RSRC2: variants seen among roughly 807,000 people sequenced by gnomAD.
RSRC2 encodes the protein arginine/serine-rich coiled-coil protein 2.
RSRC2 carries 5 observed loss-of-function variants against 61.3 expected under a neutral mutation model. That is an observed-to-expected ratio of 0.08 (90% CI 0.04 to 0.17). The LOEUF (loss-of-function observed/expected upper bound fraction) is 0.17, where lower values mean the gene tolerates loss of function less well. Ranked by LOEUF, RSRC2 falls within the 10% of genes least tolerant of loss-of-function variation. The pLI is 1.00. For synonymous variants in RSRC2, 202 were observed against 166.5 expected (o/e 1.21, Z -1.64); for missense variants, 381 against 518.8 (o/e 0.73, Z 2.58).
intron 3 of RSRC2, chr12:122,519,327 G>A (rs1251157944): frequency 3.2e-6 from 1 of 310,838 alleles, no homozygotes; most frequent in Non-Finnish European, 6.1e-6. Flanking sequence ...AATCCCTTAT[G>A]TTTATCTAAA....
intron 3 of RSRC2, chr12:122,519,679 G>A (rs952451559): frequency 6.6e-6 from 1 of 152,260 alleles, no homozygotes; most frequent in East Asian, 1.9e-4. Flanking sequence ...GGTAGAAATG[G>A]CAACTGTATG....
intron 1 of RSRC2, 40 bp downstream of exon 1, chr12:122,526,808 G>A (rs1203739153): frequency 6.2e-7 from 1 of 1,612,954 alleles, no homozygotes; most frequent in Non-Finnish European, 8.5e-7. Context: ...GAACGTAGCA[G>A]AAAAATATCC....
At chr12:122,526,630 GGAAAAAAAAA>G (rs1593448614) in intron 1 of RSRC2, among the ~76,000 whole-genome samples, 1 of 151,950 alleles carries the variant, frequency 6.6e-6, no homozygotes, top group Non-Finnish European at 1.5e-5. Flanking sequence ...GGAAAGTTCT[GGAAAAAAAAA>G]GGCACTCCCT....
intron 3 of RSRC2, 119 bp from the exon 4 acceptor site, chr12:122,519,148 A>G: frequency 5.4e-6 from 4 of 747,136 alleles, no homozygotes; most frequent in Non-Finnish European, 8.7e-6. Context: ...TGTGTGGCAA[A>G]TAAAAAAAAG....
intron 6 of RSRC2, chr12:122,514,759 G>A (rs1005436458): frequency 1.3e-5 from 15 of 1,117,480 alleles, no homozygotes; most frequent in Non-Finnish European, 1.7e-5. Flanking sequence ...AAAAGTAAAG[G>A]AAAAGTCATC....
chr12:122,521,311 T>C (rs1270974850), intron 3 of RSRC2, 74 bp downstream of exon 3: 2 of 1,159,922 alleles, frequency 1.7e-6, no homozygotes, highest in South Asian at 1.3e-5. Context: ...CAACGTCTTA[T>C]ATTCATACAA....
chr12:122,516,781 C>T (rs184412400), intron 5 of RSRC2, among the ~76,000 whole-genome samples: 2 of 152,274 alleles, frequency 1.3e-5, no homozygotes, highest in Admixed American at 1.3e-4. Flanking sequence ...CAACCTCTGC[C>T]TTCTGGGCTC....
At chr12:122,514,609 A>C (rs1958773608) in intron 6 of RSRC2, 1 of 1,032,622 alleles carries the variant, frequency 9.7e-7, no homozygotes, top group Non-Finnish European at 1.2e-6. Context: ...GTTCTCCCAT[A>C]GTTACCAGGA....
chr12:122,514,203 G>T (rs999795922), intron 6 of RSRC2, among the ~76,000 whole-genome samples: 1 of 151,012 alleles, frequency 6.6e-6, no homozygotes, highest in Admixed American at 6.6e-5. Flanking sequence ...GTCGTGCTGT[G>T]TGTGGTTTCA....
chr12:122,521,470 G>C, intron 2 of RSRC2, 42 bp from the exon 3 acceptor site: 1 of 1,546,074 alleles, frequency 6.5e-7, no homozygotes, highest in Admixed American at 1.7e-5. Flanking sequence ...AACAAAGTTG[G>C]AGAAACATTT....
At position 122,515,094 on chromosome 12, in the gene RSRC2, A is replaced by AATAT. The variant is rs2137486536; in HGVS notation, c.725+7_725+10dup. The AATAT allele has an allele frequency of 6.2e-7, 1 of 1,609,412 alleles. No individual in the cohort carries two copies. The highest frequency in any genetic ancestry group is 8.5e-7 in the Non-Finnish European group (1 of 1,178,698). ...GCGAACTGGAACAAATGAATTAAGA[A>AATAT]ATATACACACCTTCTAGCTAAAGCT... On this transcript the variant is annotated intron_variant, in intron 6 of 9. Coordinates refer to ENST00000331738, the MANE Select transcript of RSRC2 (RefSeq NM_023012.6).
At position 122,522,284 on chromosome 12, in the gene RSRC2, G is replaced by A; in HGVS notation, c.22C>T (p.Arg8Ter). 6.2e-7 allele frequency: 1 copy of A among 1,604,346 alleles called. No individual in the cohort carries two copies. The highest frequency in any genetic ancestry group is 8.5e-7 in the Non-Finnish European group (1 of 1,176,822). The change falls in exon 2 of 10, where the codon CGA becomes TGA. Residue 8 changes from arginine to a stop codon, truncating the protein, a stop_gained. Transcript: ENST00000331738. LOFTEE classifies it high-confidence loss of function. ...GTCTTTTCTGGGGCTAGTCCATCTC[G>A]CTCTGTATCACTAGCCTAAAAGTTT... MAASDTE[R>*]DGLAPEKTSP...
chr12:122,507,637 A>C (rs1467291691), intron 8 of RSRC2, among the ~76,000 whole-genome samples: 5 of 152,044 alleles, frequency 3.3e-5, no homozygotes, highest in African/African-American at 1.2e-4. Flanking sequence ...TTTAGTATTA[A>C]TAACTGGCAA....
intron 6 of RSRC2, among the ~76,000 whole-genome samples, chr12:122,514,090 T>C (rs905132466): frequency 1.3e-5 from 2 of 152,164 alleles, no homozygotes; most frequent in African/African-American, 4.8e-5. Flanking sequence ...AAGTCTATTT[T>C]TCAAAATATG....
At chr12:122,509,828 TTTTTTG>T (rs1221413859) in intron 7 of RSRC2, among the ~76,000 whole-genome samples, 2 of 152,050 alleles carry the variant, frequency 1.3e-5, no homozygotes, top group Non-Finnish European at 2.9e-5. Flanking sequence ...TAATTTTTTG[TTTTTTG>T]TTTTTGTTTT....
Position 122,525,801 on chromosome 12 carries a change from GTTTTTTTTTTTTTTTTTTTT to G in RSRC2, c.6+1027_6+1046del, listed in dbSNP as rs1169838098. On this transcript the variant is annotated intron_variant, in intron 1 of 9. Coordinates refer to ENST00000331738, the MANE Select transcript of RSRC2 (RefSeq NM_023012.6). ...GTAGCTCCTCTGGGGTCAACGAAGAGTTTTTTTTTTTTTTTTTTTTTTTTTTTTTTTTTTTTTTGAGACGG... is the reference window on the plus strand; with the variant it reads ...GTAGCTCCTCTGGGGTCAACGAAGAGTTTTTTTTTTTTTTTTTTGAGACGG... Among the ~76,000 whole-genome samples the G allele has an allele frequency of 9.3e-4, 20 of 21,502 alleles. 3 individuals carry two copies. The East Asian group carries it at 0.011, about 12-fold the overall frequency. The allele number at this position is 21,502 out of a possible 152,430, so 14.1% of individuals were successfully genotyped here. A position where few individuals can be genotyped will look rare whatever the true frequency, so the allele number is the denominator to read the frequency against.
chr12:122,519,325 A>C (rs886235295), intron 3 of RSRC2: 1 of 314,812 alleles, frequency 3.2e-6, no homozygotes, highest in East Asian at 6.9e-5. Flanking sequence ...GGAATCCCTT[A>C]TGTTTATCTA....
At position 122,505,447 on chromosome 12, in the gene RSRC2, G is replaced by A; in HGVS notation, c.*80C>T. ...CAATGCAACACCCATGCAAGCTAGAGTGCTAGCTGTTTGGTGAACAAGGAC... is the reference window on the plus strand; with the variant it reads ...CAATGCAACACCCATGCAAGCTAGAATGCTAGCTGTTTGGTGAACAAGGAC... On this transcript the variant is annotated 3_prime_UTR_variant, in exon 10 of 10. Coordinates refer to ENST00000331738, the MANE Select transcript of RSRC2 (RefSeq NM_023012.6). 1 of 1,301,440 alleles carries A rather than the reference G, an allele frequency of 7.7e-7. No homozygotes were observed. Among genetic ancestry groups the A allele is most frequent in the South Asian group, 1.3e-5 (1 of 74,488 alleles). 80.6% of individuals were successfully genotyped at this position (1,301,440 alleles called of 1,614,324 possible).
Position 122,514,878 on chromosome 12 carries a change from A to G in RSRC2, c.725+227T>C, listed in dbSNP as rs1468716836. ...GTCTAAATTTGAGAAAAATGAAATC[A>G]GTTAAATCATGAAGGAAAAAACAGA... On this transcript the variant is annotated intron_variant, in intron 6 of 9. Transcript: ENST00000331738. 5 of 684,190 alleles carry G rather than the reference A, an allele frequency of 7.3e-6. No homozygotes were observed. In the African/African-American group the frequency reaches 9.2e-5, roughly 13 times the overall value. The allele number at this position is 684,190 out of a possible 1,614,324, so 42.4% of individuals were successfully genotyped here.
Sources: gnomAD v4.1 joint callset for allele counts (sites outside exome capture counted in the v4.1 genomes callset) on GRCh38, gnomAD v4.1.1 for gene constraint, MANE v1.5 for transcripts, NCBI Gene and HGNC (gene_info 2026-07-23, HGNC 2026-07-21) for gene names.